The following TPCN1 variants were observed in gnomAD, a reference collection of about 807,000 sequenced individuals.
TPCN1 encodes the protein two pore segment channel 1, also known as two pore channel protein 1.
A neutral mutation model predicts 108.8 loss-of-function variants in TPCN1; 52 were observed. The observed-to-expected ratio is 0.48, with a 90% CI of 0.38 to 0.60. The LOEUF is 0.60. TPCN1 is among the 20% of genes least tolerant of loss of function. The pLI, the probability that TPCN1 is intolerant of heterozygous loss-of-function variation, is 0.00. For synonymous variants in TPCN1, 446 were observed against 433.7 expected (o/e 1.03, Z -0.35); for missense variants, 806 against 1,072.8 (o/e 0.75, Z 3.47).
chr12:113,283,001 T>C (rs1955942470), intron 15 of TPCN1, among the ~76,000 whole-genome samples: 1 of 151,696 alleles, frequency 6.6e-6, no homozygotes, highest in South Asian at 2.1e-4. Context: ...CACTTGATCC[T>C]GAGAGGCAGA....
chr12:113,229,375 T>C (rs920584396), intron 2 of TPCN1, among the ~76,000 whole-genome samples: 4 of 151,860 alleles, frequency 2.6e-5, no homozygotes, highest in African/African-American at 9.7e-5. Context: ...TAAACAAGAG[T>C]TTTCAGAGGA....
Position 113,289,978 on chromosome 12 carries a change from T to G in TPCN1, c.1797-150T>G. On this transcript the variant is annotated intron_variant, in intron 21 of 27. Coordinates refer to ENST00000335509, the MANE Select transcript of TPCN1 (RefSeq NM_017901.6). This position sits in a 1 kb window ranked among gnomAD's most constrained non-coding sequence, Gnocchi z 4.1. ...CATTCCTTCAGCAGGGACCCAGGCA[T>G]GAGGTGGAGAGGGTTAGGCAGGAAA... 1.7e-6 allele frequency: 1 copy of G among 576,956 alleles called. No individual in the cohort carries two copies. Among genetic ancestry groups the G allele is most frequent in the Non-Finnish European group, 3.1e-6 (1 of 324,354 alleles). 35.7% of individuals were successfully genotyped at this position (576,956 alleles called of 1,614,324 possible).
At chr12:113,282,067 C>G in intron 15 of TPCN1, among the ~76,000 whole-genome samples, 1 of 150,378 alleles carries the variant, frequency 6.6e-6, no homozygotes, top group Non-Finnish European at 1.5e-5. Flanking sequence ...ATTACAGGTG[C>G]CCACCACCAC....
chr12:113,233,035 C>T lies in TPCN1; in HGVS notation c.112+6071C>T, dbSNP rs144220511. ...CACCAAGGCAGAGCGTCGGGTGTCA[C>T]CAGACCAGCAGTGGTGCCAATTAAA... On this transcript the variant is annotated intron_variant, in intron 2 of 27. Coordinates refer to ENST00000335509, the MANE Select transcript of TPCN1 (RefSeq NM_017901.6). 1.1e-3 allele frequency among the ~76,000 whole-genome samples: 160 copies of T among 152,250 alleles called. 2 individuals carry two copies. Among genetic ancestry groups the T allele is most frequent in the African/African-American group, 3.7e-3 (153 of 41,554 alleles).
chr12:113,273,708 C>T lies in TPCN1; in HGVS notation c.942+40C>T. ...CTCAGGCTACGCTGAAGCAGCCTGC[C>T]CCTACCCATGCAGCACTAGGCACTG... On this transcript the variant is annotated intron_variant, in intron 10 of 27. Coordinates refer to ENST00000335509, the MANE Select transcript of TPCN1 (RefSeq NM_017901.6). The surrounding 1 kb of genome is among the most constrained non-coding windows in gnomAD (Gnocchi z 4.0). 2 of 1,490,386 alleles carry T rather than the reference C, an allele frequency of 1.3e-6. No individual in the cohort carries two copies. The highest frequency in any genetic ancestry group is 1.9e-6 in the Non-Finnish European group (2 of 1,068,554). 92.3% of individuals were successfully genotyped at this position (1,490,386 alleles called of 1,614,324 possible).
chr12:113,260,196 C>G, intron 2 of TPCN1, 172 bp from the exon 3 acceptor site: 1 of 617,516 alleles, frequency 1.6e-6, no homozygotes. Context: ...ACATTTGTAA[C>G]CAGCTGTGCT....
rs771151757 is a variant in TPCN1, at chr12:113,260,330, C to G, written c.113-38C>G. 3 of 1,470,840 alleles carry G rather than the reference C, an allele frequency of 2.0e-6. No homozygotes were observed. The South Asian group carries it at 4.2e-5, about 21-fold the overall frequency. 91.1% of individuals were successfully genotyped at this position (1,470,840 alleles called of 1,614,324 possible). A position where few individuals can be genotyped will look rare whatever the true frequency, so the allele number is the denominator to read the frequency against. Reference sequence around the variant, plus strand: ...AAACGGTGTCTTTTTGCTCTTAAGCCTGGGTGCCAAGTGAATCTCTCTCCT... The same window carrying G: ...AAACGGTGTCTTTTTGCTCTTAAGCGTGGGTGCCAAGTGAATCTCTCTCCT... On this transcript the variant is annotated intron_variant, in intron 2 of 27. Transcript: ENST00000335509.
chr12:113,251,549 G>T (rs1954635466), intron 2 of TPCN1, among the ~76,000 whole-genome samples: 1 of 152,236 alleles, frequency 6.6e-6, no homozygotes, highest in Non-Finnish European at 1.5e-5. Flanking sequence ...TGGCCACGGG[G>T]CGCATGTTTT....
At chr12:113,237,368 T>C (rs1953935824) in intron 2 of TPCN1, among the ~76,000 whole-genome samples, 2 of 152,030 alleles carry the variant, frequency 1.3e-5, no homozygotes, top group African/African-American at 4.8e-5. Flanking sequence ...TCTTTTTTTT[T>C]TTTCTTGAGT....
Position 113,273,618 on chromosome 12 carries a change from G to A in TPCN1, c.892G>A (p.Val298Ile), listed in dbSNP as rs368144508. The A allele has an allele frequency of 2.0e-5, 32 of 1,614,066 alleles. No homozygotes were observed. Among genetic ancestry groups the A allele is most frequent in the Admixed American group, 5.0e-5 (3 of 59,990 alleles). The change falls in exon 10 of 28, where the codon GTC becomes ATC. Residue 298 changes from valine to isoleucine, a missense_variant. Coordinates refer to ENST00000335509, the MANE Select transcript of TPCN1 (RefSeq NM_017901.6). The surrounding 1 kb of genome is among the most constrained non-coding windows in gnomAD (Gnocchi z 4.0). The part of the protein sequence containing the change: ...PSYSRNPWSC[V>I]FFIVYLSIEL... The stretch of plus-strand genomic sequence containing the variant: ...CTACTCCCGGAACCCCTGGTCCTGC[G>A]TCTTCTTCATCGTGTACCTCTCCAT...
intron 12 of TPCN1, 86 bp from the exon 13 acceptor site, chr12:113,278,103 G>T (rs1166315786): frequency 8.9e-7 from 1 of 1,126,608 alleles, no homozygotes; most frequent in East Asian, 2.4e-5. Context: ...CCCCATAAAG[G>T]TGTCCATAGG....
chr12:113,295,295 G>C (rs538938962), intron 27 of TPCN1, among the ~76,000 whole-genome samples: 7 of 152,158 alleles, frequency 4.6e-5, no homozygotes, highest in African/African-American at 1.7e-4. Flanking sequence ...TTAAAAAGTA[G>C]GGTAGGGTAT....
intron 3 of TPCN1, among the ~76,000 whole-genome samples, chr12:113,261,760 TTA>T (rs1955047285): frequency 6.6e-6 from 1 of 152,292 alleles, no homozygotes; most frequent in African/African-American, 2.4e-5. Flanking sequence ...ATCAGGTAAA[TTA>T]TTCTAATTTA....
intron 2 of TPCN1, chr12:113,244,858 G>A (rs1954292070): frequency 1.3e-6 from 1 of 753,468 alleles, no homozygotes; most frequent in Non-Finnish European, 1.6e-6. Flanking sequence ...GGGGAGTGGA[G>A]GAGGCACAGC....
intron 2 of TPCN1, among the ~76,000 whole-genome samples, chr12:113,247,254 A>AT (rs1199279695): frequency 6.6e-6 from 1 of 152,086 alleles, no homozygotes; most frequent in Non-Finnish European, 1.5e-5. Context: ...GCCTGCCGGG[A>AT]TTGGTTCCCC....
At position 113,226,764 on chromosome 12, in the gene TPCN1, C is replaced by A; in HGVS notation, c.-89C>A. On this transcript the variant is annotated 5_prime_UTR_variant, in exon 2 of 28. Transcript: ENST00000335509. Reference sequence around the variant, plus strand: ...AATGGAGGAGTTTCTGAGCAGCACCCCTGGCCCAGTGGCTTTGAAAGGGAG... The same window carrying A: ...AATGGAGGAGTTTCTGAGCAGCACCACTGGCCCAGTGGCTTTGAAAGGGAG... The A allele has an allele frequency of 3.1e-6, 5 of 1,592,426 alleles. No homozygotes were observed. Among genetic ancestry groups the A allele is most frequent in the East Asian group, 2.3e-5 (1 of 43,964 alleles).
intron 3 of TPCN1, among the ~76,000 whole-genome samples, 153 bp downstream of exon 3, chr12:113,260,645 C>T (rs1954995621): frequency 6.6e-6 from 1 of 152,172 alleles, no homozygotes; most frequent in Non-Finnish European, 1.5e-5. Flanking sequence ...GATGGGCTGA[C>T]CTGACTGTGC....
intron 12 of TPCN1, among the ~76,000 whole-genome samples, chr12:113,277,948 G>A (rs765226498): frequency 3.9e-5 from 6 of 152,208 alleles, no homozygotes; most frequent in African/African-American, 7.2e-5. Flanking sequence ...GACACTGTCC[G>A]TAGTTAGTGC....
At chr12:113,226,571 G>A (rs1953477505) in intron 1 of TPCN1, among the ~76,000 whole-genome samples, 157 bp from the exon 2 acceptor site, 1 of 152,096 alleles carries the variant, frequency 6.6e-6, no homozygotes, top group Non-Finnish European at 1.5e-5. Flanking sequence ...GTGAGCCACC[G>A]CGCCTGGCCC....
Sources: allele counts gnomAD v4.1 joint callset (sites outside exome capture counted in the v4.1 genomes callset), GRCh38; gene constraint gnomAD v4.1.1; non-coding constraint Gnocchi (gnomAD v3.1); transcripts MANE v1.5; gene names NCBI Gene and HGNC (gene_info 2026-07-23, HGNC 2026-07-21).